MACROD2: variants seen among roughly 807,000 people sequenced by gnomAD.
The protein encoded by MACROD2 is mono-ADP ribosylhydrolase 2.
In MACROD2, 36 loss-of-function variants were observed where a neutral mutation model predicts 70.4. That is an observed-to-expected ratio of 0.51 (90% CI 0.39 to 0.68). MACROD2 has a LOEUF of 0.68. MACROD2 is among the 30% of genes least tolerant of loss of function. MACROD2 has a pLI of 0.00. For synonymous variants in MACROD2, 172 were observed against 178.8 expected, an observed-to-expected ratio of 0.96 and a Z score of 0.30; for missense variants, 496 against 538.4, an observed-to-expected ratio of 0.92 and a Z score of 0.78.
At chr20:16,031,173 A>G (rs1271467387) in intron 15 of MACROD2, among the ~76,000 whole-genome samples, 1 of 152,146 alleles carries the variant, frequency 6.6e-6, no homozygotes, top group African/African-American at 2.4e-5. Flanking sequence ...TGGAAAAAAA[A>G]CAATCAAATA....
At chr20:15,881,808 G>A (rs1401441903) in intron 9 of MACROD2, among the ~76,000 whole-genome samples, 1 of 152,092 alleles carries the variant, frequency 6.6e-6, no homozygotes, top group African/African-American at 2.4e-5. Context: ...TCCTTCCAAA[G>A]TTGGCTTGGG....
rs1447800519 is a variant in MACROD2, at chr20:14,972,455, A to G, written c.419-257485A>G. Among the ~76,000 whole-genome samples, 3 of 152,078 alleles carry G rather than the reference A, an allele frequency of 2.0e-5. No individual in the cohort carries two copies. The East Asian group carries it at 5.8e-4, about 29-fold the overall frequency. ...GGGTCTGTCTGTGTGATGTAAATTC[A>G]TGGGTGACTCAGCAGCACTACAACA... On this transcript the variant is annotated intron_variant, in intron 5 of 17. Coordinates refer to ENST00000684519, the MANE Select transcript of MACROD2 (RefSeq NM_001351661.2).
At chr20:14,008,041 A>C (rs767334043) in intron 2 of MACROD2, among the ~76,000 whole-genome samples, 1 of 152,216 alleles carries the variant, frequency 6.6e-6, no homozygotes, top group Non-Finnish European at 1.5e-5. Flanking sequence ...AGCTGGAAGC[A>C]TTCCCCTTGA....
intron 5 of MACROD2, among the ~76,000 whole-genome samples, chr20:14,908,295 C>T (rs557168614): frequency 1.9e-4 from 29 of 152,038 alleles, no homozygotes; most frequent in Middle Eastern, 6.8e-3. Flanking sequence ...GAGCTGAGAT[C>T]GTGCCACTGC....
intron 7 of MACROD2, among the ~76,000 whole-genome samples, chr20:15,479,265 C>CT (rs767435610): frequency 0.11 from 9,606 of 87,642 alleles, 1,496 homozygotes; most frequent in African/African-American, 0.29. Context: ...TTCTCGCTCT[C>CT]TTTTTTTTTT....
intron 8 of MACROD2, among the ~76,000 whole-genome samples, chr20:15,531,066 A>G (rs1313556195): frequency 6.6e-6 from 1 of 150,556 alleles, no homozygotes; most frequent in African/African-American, 2.4e-5. Context: ...AATTTTAAAT[A>G]TTAATAATTA....
intron 3 of MACROD2, among the ~76,000 whole-genome samples, chr20:14,377,654 C>A (rs1002049923): frequency 2.0e-5 from 3 of 152,146 alleles, no homozygotes; most frequent in East Asian, 1.9e-4. Context: ...AGGAGAGAGT[C>A]AGATGCCAAC....
At chr20:14,427,779 T>A (rs982796155) in intron 3 of MACROD2, among the ~76,000 whole-genome samples, 3 of 152,128 alleles carry the variant, frequency 2.0e-5, no homozygotes, top group African/African-American at 7.2e-5. Context: ...ATGGCAGAGC[T>A]GGAAGTGCTC....
intron 8 of MACROD2, among the ~76,000 whole-genome samples, chr20:15,839,324 G>T (rs2064146806): frequency 6.6e-6 from 1 of 152,084 alleles, no homozygotes; most frequent in African/African-American, 2.4e-5. Context: ...GGCTCTGTAT[G>T]CCTATATCCT....
At chr20:14,739,834 G>T (rs1231867496) in intron 5 of MACROD2, among the ~76,000 whole-genome samples, 6 of 151,934 alleles carry the variant, frequency 3.9e-5, no homozygotes, top group Non-Finnish European at 8.8e-5. Flanking sequence ...AAGTTAAAAT[G>T]ATGTTGTAAA....
intron 5 of MACROD2, among the ~76,000 whole-genome samples, chr20:15,087,316 T>G (rs2075756303): frequency 6.6e-6 from 1 of 152,026 alleles, no homozygotes; most frequent in Admixed American, 6.6e-5. Context: ...ATATTAAAAC[T>G]TCTTTCAAAG....
chr20:15,968,796 C>CATATAT (rs2066181620), intron 13 of MACROD2, among the ~76,000 whole-genome samples: 2 of 50,214 alleles, frequency 4.0e-5, no homozygotes, highest in South Asian at 9.6e-4. Context: ...ATATATTATG[C>CATATAT]GTATATATAT....
At chr20:14,646,047 A>G in intron 4 of MACROD2, among the ~76,000 whole-genome samples, 1 of 150,326 alleles carries the variant, frequency 6.7e-6, no homozygotes, top group Non-Finnish European at 1.5e-5. Context: ...TAAATAAGTT[A>G]TAAGAAATAC....
chr20:15,371,082 T>C (rs144800828), intron 6 of MACROD2, among the ~76,000 whole-genome samples: 167 of 152,270 alleles, frequency 1.1e-3, no homozygotes, highest in Middle Eastern at 3.4e-3. Flanking sequence ...GCCTAAGTCA[T>C]CTTTAAAATT....
chr20:14,096,961 A>G (rs975292375), intron 3 of MACROD2, among the ~76,000 whole-genome samples: 2 of 152,112 alleles, frequency 1.3e-5, no homozygotes, highest in Non-Finnish European at 2.9e-5. Flanking sequence ...TCTCTGTAAT[A>G]TGGTTCTAGT....
chr20:14,604,266 G>C (rs1426966531), intron 4 of MACROD2, among the ~76,000 whole-genome samples: 1 of 152,150 alleles, frequency 6.6e-6, no homozygotes, highest in East Asian at 1.9e-4. Context: ...GCCAAGCAGA[G>C]AGCAAATTTC....
intron 6 of MACROD2, among the ~76,000 whole-genome samples, chr20:15,390,574 C>A (rs2045779195): frequency 1.3e-5 from 2 of 152,088 alleles, no homozygotes; most frequent in Admixed American, 1.3e-4. Context: ...GTAGACCACA[C>A]CAACGCTCCA....
At chr20:15,096,808 A>ATTT (rs11479076) in intron 5 of MACROD2, among the ~76,000 whole-genome samples, 12 of 93,662 alleles carry the variant, frequency 1.3e-4, no homozygotes, top group African/African-American at 2.7e-4. Context: ...CACTATGCTA[A>ATTT]TTTTTTTTTT....
At position 15,728,828 on chromosome 20, in the gene MACROD2, T is replaced by C. The variant is rs540950840; in HGVS notation, c.646-133917T>C. 7.5e-4 allele frequency among the ~76,000 whole-genome samples: 114 copies of C among 152,232 alleles called. 1 individual carries two copies. Among genetic ancestry groups the C allele is most frequent in the Non-Finnish European group, 1.5e-3 (101 of 67,988 alleles). On this transcript the variant is annotated intron_variant, in intron 8 of 17. Coordinates refer to ENST00000684519, the MANE Select transcript of MACROD2 (RefSeq NM_001351661.2). ...AGTGTCCTATAAATCTTATTTATTC[T>C]GTCAAAGAACCAACTCCTGGATTCT... is the stretch of plus-strand genomic sequence containing the variant.
Sources: gnomAD v4.1 joint callset for allele counts (sites outside exome capture counted in the v4.1 genomes callset) on GRCh38, gnomAD v4.1.1 for gene constraint, MANE v1.5 for transcripts, NCBI Gene and HGNC (gene_info 2026-07-23, HGNC 2026-07-21) for gene names.